The following SHANK2 variants were observed in gnomAD, a reference collection of about 807,000 sequenced individuals.
The protein encoded by SHANK2 is SH3 and multiple ankyrin repeat domains 2.
A neutral mutation model predicts 133.7 loss-of-function variants in SHANK2; 43 were observed. That is an observed-to-expected ratio of 0.32 (90% CI 0.25 to 0.41). The LOEUF (loss-of-function observed/expected upper bound fraction) is 0.41. Ranked by LOEUF, SHANK2 falls within the 10% of genes least tolerant of loss-of-function variation. The pLI, the probability that SHANK2 is intolerant of heterozygous loss-of-function variation, is 1.00. For missense variants in SHANK2, 1,994 were observed against 2,235.8 expected, an observed-to-expected ratio of 0.89 and a Z score of 2.18; for synonymous variants, 1,017 against 952.8, an observed-to-expected ratio of 1.07 and a Z score of -1.24.
rs1235052429 is a variant in SHANK2 at position 71,064,980 on chromosome 11, C to T, written c.1030-8422G>A. Among the ~76,000 whole-genome samples, 6 of 152,200 alleles carry T rather than the reference C, an allele frequency of 3.9e-5. No homozygotes were observed. The South Asian group carries it at 1.0e-3, about 26-fold the overall frequency. ...CGCACAAGGACACAGACAGGCCCGC[C>T]GGAGGTCACCTCGGGAGTCACTGCA... On this transcript the variant is annotated intron_variant, in intron 9 of 25. Coordinates refer to ENST00000601538, the MANE Select transcript of SHANK2 (RefSeq NM_012309.5).
At chr11:70,502,745 C>CCCG (rs1555159060) in intron 18 of SHANK2, 51 bp downstream of exon 18, 4 of 883,802 alleles carry the variant, frequency 4.5e-6, no homozygotes, top group African/African-American at 1.9e-5. Flanking sequence ...GCCCCCACCC[C>CCCG]CCCCCCCCAG....
At chr11:70,576,098 C>A (rs2060112744) in intron 17 of SHANK2, among the ~76,000 whole-genome samples, 1 of 152,136 alleles carries the variant, frequency 6.6e-6, no homozygotes, top group Non-Finnish European at 1.5e-5. Context: ...TTTTGGCAGA[C>A]AGACTCTTGG....
intron 17 of SHANK2, among the ~76,000 whole-genome samples, chr11:70,531,946 G>T (rs1424062834): frequency 6.6e-6 from 1 of 152,162 alleles, no homozygotes; most frequent in African/African-American, 2.4e-5. Flanking sequence ...CTCCTTGTCT[G>T]CCTGGACCGT....
At chr11:70,704,361 C>T (rs534229463) in intron 14 of SHANK2, among the ~76,000 whole-genome samples, 8 of 152,318 alleles carry the variant, frequency 5.3e-5, no homozygotes, top group African/African-American at 7.2e-5. Context: ...AAGAAACTGC[C>T]GTGGCTACAT....
intron 14 of SHANK2, among the ~76,000 whole-genome samples, chr11:70,747,022 C>T (rs1430899913): frequency 2.7e-5 from 4 of 146,726 alleles, no homozygotes; most frequent in Non-Finnish European, 6.0e-5. Flanking sequence ...CCCCTCCCTC[C>T]ACCCCTGCAC....
chr11:70,598,531 CT>C (rs1218627416), intron 17 of SHANK2, among the ~76,000 whole-genome samples: 2 of 152,178 alleles, frequency 1.3e-5, no homozygotes, highest in Non-Finnish European at 2.9e-5. Context: ...CGAACAATGT[CT>C]TCTGGAGAAA....
chr11:71,098,918 T>C (rs1310787770), intron 6 of SHANK2, among the ~76,000 whole-genome samples: 1 of 151,666 alleles, frequency 6.6e-6, no homozygotes, highest in Non-Finnish European at 1.5e-5. Context: ...CGGGACCATC[T>C]CTCCGTGGGG....
At chr11:70,504,220 C>T (rs191664814) in intron 17 of SHANK2, among the ~76,000 whole-genome samples, 23 of 148,532 alleles carry the variant, frequency 1.5e-4, no homozygotes, top group Admixed American at 6.9e-4. Flanking sequence ...AACTAAACAT[C>T]TGGTATACCC....
chr11:71,210,246 A>ATG (rs1157013231), intron 2 of SHANK2, among the ~76,000 whole-genome samples: 1 of 104,470 alleles, frequency 9.6e-6, no homozygotes, highest in Non-Finnish European at 1.8e-5. Context: ...ATATATATAT[A>ATG]TATATATTTA....
intron 14 of SHANK2, among the ~76,000 whole-genome samples, chr11:70,790,890 G>A (rs904281502): frequency 6.6e-5 from 10 of 152,136 alleles, no homozygotes; most frequent in South Asian, 2.1e-4. Flanking sequence ...AGAGGGCAGC[G>A]TTTCTCCATT....
At chr11:71,226,779 T>TA (rs1190740082) in intron 1 of SHANK2, 2 of 151,750 alleles carry the variant, frequency 1.3e-5, no homozygotes, top group East Asian at 1.9e-4. Flanking sequence ...CCTTTCTAAA[T>TA]AAAAAAATAA....
intron 11 of SHANK2, among the ~76,000 whole-genome samples, chr11:70,869,286 C>G (rs1949420761): frequency 1.3e-5 from 2 of 152,186 alleles, no homozygotes; most frequent in Non-Finnish European, 2.9e-5. Flanking sequence ...CTGGAGCAAA[C>G]TCATACACCA....
At chr11:70,741,234 T>C (rs1946517958) in intron 14 of SHANK2, among the ~76,000 whole-genome samples, 1 of 45,354 alleles carries the variant, frequency 2.2e-5, no homozygotes, top group South Asian at 5.4e-4. Context: ...TAACCATGCA[T>C]CCATCCATCC....
Position 70,501,891 on chromosome 11 carries a change from AGCTGCTTTGGGGACCCAGTGGG to A in SHANK2, c.2287+10_2287+31del, listed in dbSNP as rs1429087128. On this transcript the variant is annotated intron_variant, in intron 20 of 25. Coordinates refer to ENST00000601538, the MANE Select transcript of SHANK2 (RefSeq NM_012309.5). ...TGGGGGTGCCCTAGACAGCAGGGGG[AGCTGCTTTGGGGACCCAGTGGG>A]GCTGCTTACCTTTATCCACTAGTGA... 3.9e-6 allele frequency: 6 copies of A among 1,556,884 alleles called. No individual in the cohort carries two copies. In the African/African-American group the frequency reaches 5.5e-5, roughly 14 times the overall value.
intron 14 of SHANK2, among the ~76,000 whole-genome samples, chr11:70,714,716 G>A (rs1194168510): frequency 6.6e-6 from 1 of 152,106 alleles, no homozygotes; most frequent in Non-Finnish European, 1.5e-5. Flanking sequence ...TGAGAGTCAA[G>A]GTCACCCCAT....
chr11:70,919,852 C>T (rs992329317), intron 10 of SHANK2, among the ~76,000 whole-genome samples: 6 of 152,212 alleles, frequency 3.9e-5, no homozygotes, highest in Non-Finnish European at 7.3e-5. Context: ...CATGCTTGTG[C>T]CTGGCTTGTG....
chr11:70,944,881 T>G (rs1950701286), intron 10 of SHANK2, among the ~76,000 whole-genome samples: 1 of 152,236 alleles, frequency 6.6e-6, no homozygotes, highest in Non-Finnish European at 1.5e-5. Flanking sequence ...TATGCCATTT[T>G]TTTGCAATCA....
chr11:70,524,859 A>T (rs2059376289), intron 17 of SHANK2, among the ~76,000 whole-genome samples: 1 of 152,246 alleles, frequency 6.6e-6, no homozygotes. Context: ...GCCTCTCACC[A>T]TCTCATGCAC....
chr11:71,106,253 A>G, intron 6 of SHANK2, among the ~76,000 whole-genome samples: 1 of 152,266 alleles, frequency 6.6e-6, no homozygotes, highest in South Asian at 2.1e-4. Context: ...TAAAATTGCC[A>G]TTTGGCAACA....
Sources: gnomAD v4.1 joint callset for allele counts (sites outside exome capture counted in the v4.1 genomes callset) on GRCh38, gnomAD v4.1.1 for gene constraint, MANE v1.5 for transcripts, NCBI Gene and HGNC (gene_info 2026-07-23, HGNC 2026-07-21) for gene names.